NECTIN3: variants seen among roughly 807,000 people sequenced by gnomAD.
The protein encoded by NECTIN3 is nectin-3.
Under a neutral mutation model 49.4 loss-of-function variants are expected in NECTIN3, and 8 were observed. The ratio of observed to expected loss-of-function variants is 0.16; its 90% CI spans 0.10 to 0.29. NECTIN3 has a LOEUF of 0.29. NECTIN3 is among the 10% of genes least tolerant of loss of function. The pLI is 1.00. For missense variants in NECTIN3, 581 were observed against 654.6 expected (o/e 0.89, Z 1.23); for synonymous variants, 277 against 241.1 (o/e 1.15, Z -1.38).
chr3:111,133,547 G>A, intron 5 of NECTIN3, 88 bp from the exon 6 acceptor site: 2 of 1,479,400 alleles, frequency 1.4e-6, no homozygotes, highest in African/African-American at 1.4e-5. Context: ...TTCATTAACT[G>A]TGCTGTCTTG....
At chr3:111,100,457 A>G in intron 1 of NECTIN3, among the ~76,000 whole-genome samples, 1 of 152,142 alleles carries the variant, frequency 6.6e-6, no homozygotes, top group Non-Finnish European at 1.5e-5. Flanking sequence ...AGCTATATGT[A>G]TAAGGTGTGT....
chr3:111,160,783 G>A (rs371995067), intron 7 of NECTIN3, among the ~76,000 whole-genome samples: 2 of 152,208 alleles, frequency 1.3e-5, no homozygotes, highest in African/African-American at 2.4e-5. Context: ...TGAGGCAGGC[G>A]GATCACGAGG....
rs191279673 is a variant in NECTIN3 at position 111,115,992 on chromosome 3, T to C, written c.503-2664T>C. 7.9e-5 allele frequency among the ~76,000 whole-genome samples: 12 copies of C among 152,262 alleles called. No homozygotes were observed. In the East Asian group the frequency reaches 2.3e-3, roughly 29 times the overall value. The stretch of plus-strand genomic sequence containing the variant: ...AAAATAATTTTGGTGTTAGGTTTAT[T>C]GAGTTTGAGGATCTGTAGGTGGAAA... On this transcript the variant is annotated intron_variant, in intron 2 of 5. Transcript: ENST00000485303.
chr3:111,133,079 A>G (rs1041052996), intron 5 of NECTIN3, among the ~76,000 whole-genome samples: 3 of 152,000 alleles, frequency 2.0e-5, no homozygotes, highest in African/African-American at 4.8e-5. Context: ...AGCTTATACT[A>G]TGCCCACTTA....
rs772841599 is a variant in NECTIN3 at position 111,112,303 on chromosome 3, A to G, written c.434A>G (p.Lys145Arg). 8 of 1,613,840 alleles carry G rather than the reference A, an allele frequency of 5.0e-6. No individual in the cohort carries two copies. The highest frequency in any genetic ancestry group is 4.4e-5 in the South Asian group (4 of 91,084). ...LHNIGFSDSG[K>R]YICKAVTFPL... ...AACATAGGATTCTCTGATTCTGGAA[A>G]ATACATCTGCAAAGCTGTTACATTC... Residue 145 changes from lysine to arginine, a missense_variant, in exon 2 of 6, where the codon AAA becomes AGA. Around this residue, in one of 3 missense-constraint regions of NECTIN3, gnomAD observed 234 missense variants for 340.6 expected, o/e 0.69. Coordinates refer to ENST00000485303, the MANE Select transcript of NECTIN3 (RefSeq NM_015480.3).
chr3:111,149,216 A>T (rs1355809869), intron 7 of NECTIN3, among the ~76,000 whole-genome samples: 1 of 152,092 alleles, frequency 6.6e-6, no homozygotes, highest in Non-Finnish European at 1.5e-5. Context: ...TCCTAAACCA[A>T]GATACTGCTG....
chr3:111,082,230 G>A (rs1009003355), intron 1 of NECTIN3, among the ~76,000 whole-genome samples: 2 of 152,158 alleles, frequency 1.3e-5, no homozygotes, highest in Admixed American at 1.3e-4. Context: ...CATTTGTGGT[G>A]TACTTTTGAG....
intron 7 of NECTIN3, among the ~76,000 whole-genome samples, chr3:111,163,077 G>T (rs909513572): frequency 1.3e-5 from 2 of 152,172 alleles, no homozygotes; most frequent in Non-Finnish European, 1.5e-5. Context: ...TCAGATGGTG[G>T]CTGGGGCTGT....
At chr3:111,074,018 A>G (rs2030993178) in intron 1 of NECTIN3, among the ~76,000 whole-genome samples, 1 of 152,190 alleles carries the variant, frequency 6.6e-6, no homozygotes, top group Admixed American at 6.5e-5. Flanking sequence ...GAGCAGGTGT[A>G]GTGTTTAGAG....
chr3:111,152,508 AG>A (rs1002820072), intron 7 of NECTIN3, among the ~76,000 whole-genome samples: 2 of 151,804 alleles, frequency 1.3e-5, no homozygotes, highest in African/African-American at 4.8e-5. Context: ...GTGTTTAAAA[AG>A]CCATTTTTTC....
At chr3:111,139,960 A>AC (rs2034699294), downstream of NECTIN3, among the ~76,000 whole-genome samples, 1 of 151,898 alleles carries the variant, frequency 6.6e-6, no homozygotes, top group Admixed American at 6.6e-5. Context: ...CTTTTTTATT[A>AC]CTAAAACATT....
intron 5 of NECTIN3, among the ~76,000 whole-genome samples, chr3:111,144,505 A>G (rs1160995876): frequency 6.6e-6 from 1 of 151,946 alleles, no homozygotes; most frequent in African/African-American, 2.4e-5. Context: ...TAATAGAATA[A>G]AAGTGCTAAA....
chr3:111,131,061 G>T (rs1236914019), intron 5 of NECTIN3, among the ~76,000 whole-genome samples: 3 of 151,940 alleles, frequency 2.0e-5, no homozygotes, highest in East Asian at 1.9e-4. Flanking sequence ...ACATTAAAAT[G>T]CATTATTTCA....
At chr3:111,128,339 A>T (rs1293762087) in intron 5 of NECTIN3, among the ~76,000 whole-genome samples, 2 of 151,880 alleles carry the variant, frequency 1.3e-5, no homozygotes, top group Non-Finnish European at 2.9e-5. Flanking sequence ...AAAAAAAAAA[A>T]TTAAAAAATA....
chr3:111,183,752 A>G (rs2035670041), intron 7 of NECTIN3, among the ~76,000 whole-genome samples: 1 of 151,860 alleles, frequency 6.6e-6, no homozygotes. Context: ...CTCTGATTAA[A>G]CTATGTCTTG....
Position 111,124,306 on chromosome 3 carries a change from T to TA in NECTIN3, c.918-1877dup, listed in dbSNP as rs1332526138. ...TTTCCTTGCCAGTAACAGTACTTCA[T>TA]AGAGTTTTTGTGAGGTACAGACAAT... On this transcript the variant is annotated intron_variant, in intron 4 of 5. Coordinates refer to ENST00000485303, the MANE Select transcript of NECTIN3 (RefSeq NM_015480.3). Among the ~76,000 whole-genome samples the TA allele has an allele frequency of 9.9e-5, 15 of 152,256 alleles. No homozygotes were observed. In the East Asian group the frequency reaches 2.3e-3, roughly 23 times the overall value.
chr3:111,072,156 CTGCTCT>C lies in NECTIN3; in HGVS notation c.141_146del (p.Leu48_Phe49del). 1 of 1,554,036 alleles carries C rather than the reference CTGCTCT, an allele frequency of 6.4e-7. No homozygotes were observed. Among genetic ancestry groups the C allele is most frequent in the Non-Finnish European group, 8.7e-7 (1 of 1,149,398 alleles). Reference sequence around the variant, plus strand: ...GCTGCTGCTGCTGCTCTTCCCGCTGCTGCTCTTCTCCAGGCTCTGTGGTAGGTGAAC... The same window carrying C: ...GCTGCTGCTGCTGCTCTTCCCGCTGCTCTCCAGGCTCTGTGGTAGGTGAAC... On this transcript the variant is annotated inframe_deletion, in exon 1 of 6. Coordinates refer to ENST00000485303, the MANE Select transcript of NECTIN3 (RefSeq NM_015480.3).
Position 111,074,186 on chromosome 3 carries a change from T to G in NECTIN3, c.160+2009T>G, listed in dbSNP as rs1029232748. On this transcript the variant is annotated intron_variant, in intron 1 of 5. Transcript: ENST00000485303. ...CAACCTTTATTTTGGAATTAAGTCTTTGAATAGGGCACAGATGTTGTGACT... is the reference window on the plus strand; with the variant it reads ...CAACCTTTATTTTGGAATTAAGTCTGTGAATAGGGCACAGATGTTGTGACT... The G allele has an allele frequency of 2.6e-5, 12 of 454,178 alleles. 1 individual carries two copies. Among genetic ancestry groups the G allele is most frequent in the East Asian group, 7.0e-5 (1 of 14,376 alleles). The allele number at this position is 454,178 out of a possible 1,614,324, so 28.1% of individuals were successfully genotyped here. A position where few individuals can be genotyped will look rare whatever the true frequency, so the allele number is the denominator to read the frequency against.
chr3:111,184,491 A>T (rs1295996823), intron 7 of NECTIN3, among the ~76,000 whole-genome samples: 1 of 152,112 alleles, frequency 6.6e-6, no homozygotes, highest in African/African-American at 2.4e-5. Flanking sequence ...CGGTAGAATG[A>T]TGTAACATGA....
Sources: gnomAD v4.1 joint callset for allele counts (sites outside exome capture counted in the v4.1 genomes callset) on GRCh38, gnomAD v4.1.1 for gene constraint, gnomAD v4.1.1 regional missense constraint, MANE v1.5 for transcripts, NCBI Gene and HGNC (gene_info 2026-07-23, HGNC 2026-07-21) for gene names.